The following CA5B variants were observed in gnomAD, a reference collection of about 807,000 sequenced individuals.
The protein encoded by CA5B is carbonic anhydrase 5B, mitochondrial.
CA5B carries 15 observed loss-of-function variants against 23.1 expected under a neutral mutation model. The observed-to-expected ratio is 0.65, with a 90% confidence interval of 0.43 to 1.00. The LOEUF is 1.00. Ranked by LOEUF, CA5B falls within the 50% of genes least tolerant of loss-of-function variation. The probability of loss-of-function intolerance (pLI) is 0.00; values close to 1 mark genes in which losing one functional copy is unlikely to be tolerated. For synonymous variants in CA5B, 84 were observed against 98.5 expected (o/e 0.85, Z 0.87); for missense variants, 236 against 252.2 (o/e 0.94, Z 0.43).
At chrX:15,748,197 G>A (rs190440988) in intron 1 of CA5B, among the ~76,000 whole-genome samples, 1 of 112,244 alleles carries the variant, frequency 8.9e-6, no homozygotes, top group East Asian at 2.8e-4. Context: ...AGATGAAGCC[G>A]CCATTTGGAA....
At chrX:15,771,204 C>CAAAAAAA (rs758945690) in intron 3 of CA5B, among the ~76,000 whole-genome samples, 4 of 30,188 alleles carry the variant, frequency 1.3e-4, no homozygotes, top group Non-Finnish European at 1.7e-4. Flanking sequence ...CTCATCTCTA[C>CAAAAAAA]AAAAAAAAAA....
chrX:15,758,684 T>G (rs1160217844), intron 2 of CA5B, among the ~76,000 whole-genome samples: 1 of 110,619 alleles, frequency 9.0e-6, no homozygotes, highest in Non-Finnish European at 1.9e-5. Context: ...TGTTTTGTAT[T>G]TTTACAAGAA....
At chrX:15,776,338 CAAAAAA>C (rs1204466142) in intron 6 of CA5B, among the ~76,000 whole-genome samples, 6 of 43,656 alleles carry the variant, frequency 1.4e-4, no homozygotes, top group South Asian at 3.0e-3. Flanking sequence ...GACTCTGTCT[CAAAAAA>C]AAAAAAAAAA....
intron 3 of CA5B, among the ~76,000 whole-genome samples, chrX:15,771,593 ATT>A (rs778122450): frequency 4.3e-5 from 4 of 93,645 alleles, no homozygotes; most frequent in Non-Finnish European, 4.3e-5. Flanking sequence ...CGCCCAGCTA[ATT>A]TTTTTTTTTT....
At chrX:15,740,242 A>G (rs982788190) in intron 1 of CA5B, among the ~76,000 whole-genome samples, 3 of 112,255 alleles carry the variant, frequency 2.7e-5, no homozygotes, top group African/African-American at 9.7e-5. Context: ...ATCTTTATGG[A>G]CAAACTTATG....
At chrX:15,740,223 C>T (rs186735198) in intron 1 of CA5B, among the ~76,000 whole-genome samples, 83 of 112,022 alleles carry the variant, frequency 7.4e-4, no homozygotes, top group African/African-American at 2.2e-3. Context: ...CCATCGAGCC[C>T]AGGGACCCAT....
chrX:15,764,997 C>T, intron 3 of CA5B: 1 of 430,334 alleles, frequency 2.3e-6, no homozygotes, highest in Non-Finnish European at 3.9e-6. Context: ...ATAAATATAT[C>T]TCTATCTCTC....
rs757638420 is a variant in CA5B, at chrX:15,739,788, T to C, written c.-54+1436T>C. On this transcript the variant is annotated intron_variant, in intron 1 of 7. Transcript: ENST00000318636. ...TGGGATCATGCTCCCAGGGAAGAAG[T>C]GGGTGAGAGGGGGAAGCTGAGCTTT... 6.3e-5 allele frequency among the ~76,000 whole-genome samples: 7 copies of C among 111,392 alleles called. No individual in the cohort carries two copies. In the East Asian group the frequency reaches 2.0e-3, roughly 31 times the overall value.
At chrX:15,739,525 C>G (rs1313866452) in intron 1 of CA5B, among the ~76,000 whole-genome samples, 1 of 110,120 alleles carries the variant, frequency 9.1e-6, no homozygotes, top group Non-Finnish European at 1.9e-5. Flanking sequence ...GCACCGTTCT[C>G]TGTGCCTGTA....
chrX:15,763,198 A>T (rs1569277858), intron 2 of CA5B, among the ~76,000 whole-genome samples: 1 of 112,181 alleles, frequency 8.9e-6, no homozygotes, highest in Non-Finnish European at 1.9e-5. Flanking sequence ...AGCATCTTAC[A>T]GGATGCAGGC....
intron 2 of CA5B, among the ~76,000 whole-genome samples, chrX:15,762,545 G>A (rs1313339364): frequency 2.8e-5 from 3 of 108,711 alleles, no homozygotes; most frequent in Admixed American, 9.9e-5. Context: ...GGGTTCAAGC[G>A]ATTTTCCTGC....
At chrX:15,742,613 A>T (rs1231992067) in intron 1 of CA5B, among the ~76,000 whole-genome samples, 1 of 112,541 alleles carries the variant, frequency 8.9e-6, no homozygotes, top group African/African-American at 3.2e-5. Context: ...ACCTCCAGTG[A>T]TCCTCTCCTC....
At chrX:15,774,531 A>G in intron 5 of CA5B, 134 bp downstream of exon 5, 2 of 803,927 alleles carry the variant, frequency 2.5e-6, no homozygotes, top group South Asian at 6.9e-5. Flanking sequence ...GAAGTACAGG[A>G]TTGTTAAGAA....
At chrX:15,755,159 T>C (rs1212760662) in intron 2 of CA5B, among the ~76,000 whole-genome samples, 1 of 112,183 alleles carries the variant, frequency 8.9e-6, no homozygotes, top group Non-Finnish European at 1.9e-5. Context: ...TGCCCCTAGA[T>C]TGTCTTTTAT....
chrX:15,758,824 G>A (rs750422173), intron 2 of CA5B, among the ~76,000 whole-genome samples: 10 of 111,984 alleles, frequency 8.9e-5, no homozygotes, highest in Middle Eastern at 9.3e-3. Context: ...TTGAGGAGAC[G>A]TATACATTCA....
chrX:15,746,877 T>C (rs1931245286), intron 1 of CA5B, among the ~76,000 whole-genome samples: 1 of 111,191 alleles, frequency 9.0e-6, no homozygotes, highest in Admixed American at 9.6e-5. Context: ...CTGCAAAATA[T>C]CTCAAGCGCT....
chrX:15,739,317 T>C (rs1437349486), intron 1 of CA5B, among the ~76,000 whole-genome samples: 1 of 111,908 alleles, frequency 8.9e-6, no homozygotes, highest in Non-Finnish European at 1.9e-5. Context: ...AGTAGTGCTA[T>C]TTCTGTGGTG....
chrX:15,778,617 T>C (rs1040054509), intron 7 of CA5B, among the ~76,000 whole-genome samples: 5 of 111,898 alleles, frequency 4.5e-5, no homozygotes, highest in African/African-American at 9.8e-5. Context: ...AACTGGGTAA[T>C]TTATGAAGAA....
Position 15,769,687 on chromosome X carries a change from A to AACAC in CA5B, c.341-2797_341-2794dup, listed in dbSNP as rs750947819. On this transcript the variant is annotated intron_variant, in intron 3 of 7. Transcript: ENST00000318636. ...TTTAAAACACACATACACAGTTTAA[A>AACAC]ACACACACACACACAGTTTAATGAT... 10 of 449,449 alleles carry AACAC rather than the reference A, an allele frequency of 2.2e-5. No individual in the cohort carries two copies. The East Asian group carries it at 1.5e-3, about 68-fold the overall frequency. 37.0% of individuals were successfully genotyped at this position (449,449 alleles called of 1,213,427 possible).
Sources: gnomAD v4.1 joint callset for allele counts (sites outside exome capture counted in the v4.1 genomes callset) on GRCh38, gnomAD v4.1.1 for gene constraint, MANE v1.5 for transcripts, NCBI Gene and HGNC (gene_info 2026-07-23, HGNC 2026-07-21) for gene names.